The following BIRC6 variants were observed in gnomAD, a reference collection of about 807,000 sequenced individuals.
BIRC6 encodes dual E2 ubiquitin-conjugating enzyme/E3 ubiquitin-protein ligase BIRC6.
In BIRC6, 98 loss-of-function variants were observed where a neutral mutation model predicts 503.3. That is an observed-to-expected ratio of 0.19 (90% CI 0.17 to 0.23). BIRC6 has a LOEUF of 0.23. Ranked by LOEUF, BIRC6 falls within the 10% of genes least tolerant of loss-of-function variation. The pLI, the probability that BIRC6 is intolerant of heterozygous loss-of-function variation, is 1.00. For missense variants in BIRC6, 5,360 were observed against 5,806.0 expected (o/e 0.92, Z 2.50); for synonymous variants, 2,240 against 2,078.7 (o/e 1.08, Z -2.11).
At chr2:32,433,056 T>C (rs2148040831) in intron 12 of BIRC6, among the ~76,000 whole-genome samples, 1 of 152,300 alleles carries the variant, frequency 6.6e-6, no homozygotes. Context: ...TGCTGATGTA[T>C]TGAACATATT....
intron 11 of BIRC6, 143 bp from the exon 12 acceptor site, chr2:32,430,722 C>G (rs2043997906): frequency 1.6e-6 from 1 of 624,908 alleles, no homozygotes; most frequent in East Asian, 2.7e-5. Flanking sequence ...GATACCTGAG[C>G]CCACTTTATT....
At chr2:32,474,415 G>T (rs1285790595) in intron 33 of BIRC6, among the ~76,000 whole-genome samples, 1 of 152,126 alleles carries the variant, frequency 6.6e-6, no homozygotes, top group Non-Finnish European at 1.5e-5. Context: ...AACCTAGTGT[G>T]TCTCTGAGTG....
chr2:32,366,198 A>T (rs181966561), intron 1 of BIRC6, among the ~76,000 whole-genome samples: 4 of 152,204 alleles, frequency 2.6e-5, no homozygotes, highest in African/African-American at 9.6e-5. Flanking sequence ...GACCTCTTTT[A>T]CCTATGTATG....
intron 1 of BIRC6, among the ~76,000 whole-genome samples, chr2:32,373,805 A>G (rs1395738569): frequency 1.3e-5 from 2 of 152,192 alleles, no homozygotes; most frequent in East Asian, 3.8e-4. Context: ...TCATAGCAGC[A>G]CTCTTCGAAA....
intron 66 of BIRC6, among the ~76,000 whole-genome samples, chr2:32,591,160 T>C (rs960657658): frequency 6.6e-6 from 1 of 152,176 alleles, no homozygotes; most frequent in Non-Finnish European, 1.5e-5. Flanking sequence ...GATTTTCTTT[T>C]TTTCGGTGTG....
intron 60 of BIRC6, among the ~76,000 whole-genome samples, chr2:32,530,229 G>C (rs1032104126): frequency 2.0e-5 from 3 of 151,140 alleles, no homozygotes; most frequent in Non-Finnish European, 4.4e-5. Context: ...AATTTTTTTT[G>C]AGACAGAGTC....
chr2:32,397,924 C>T (rs912711364), intron 6 of BIRC6, among the ~76,000 whole-genome samples: 3 of 152,078 alleles, frequency 2.0e-5, no homozygotes, highest in Non-Finnish European at 4.4e-5. Flanking sequence ...TCTACCTCTT[C>T]TTTGCACCAG....
At chr2:32,400,640 T>C (rs1248850854) in intron 6 of BIRC6, among the ~76,000 whole-genome samples, 3 of 152,106 alleles carry the variant, frequency 2.0e-5, no homozygotes, top group Non-Finnish European at 4.4e-5. Context: ...CCCGGCTGCC[T>C]TCAGATCTTT....
chr2:32,424,581 C>T (rs1199520683), intron 10 of BIRC6, among the ~76,000 whole-genome samples: 1 of 151,178 alleles, frequency 6.6e-6, no homozygotes, highest in African/African-American at 2.4e-5. Flanking sequence ...CTGACGCGAT[C>T]TCGGCTCACT....
At chr2:32,502,399 G>C (rs1475262827) in intron 47 of BIRC6, among the ~76,000 whole-genome samples, 3 of 152,002 alleles carry the variant, frequency 2.0e-5, no homozygotes, top group Non-Finnish European at 2.9e-5. Context: ...TTCCCATTTT[G>C]AAATGCAGAT....
chr2:32,617,195 A>G (rs986002755), intron 73 of BIRC6, among the ~76,000 whole-genome samples: 2 of 152,108 alleles, frequency 1.3e-5, no homozygotes, highest in Non-Finnish European at 2.9e-5. Context: ...CAGTCAAGAG[A>G]TCAAGACCAG....
At chr2:32,534,785 G>T (rs1253699545) in intron 61 of BIRC6, among the ~76,000 whole-genome samples, 1 of 145,936 alleles carries the variant, frequency 6.9e-6, no homozygotes, top group Non-Finnish European at 1.5e-5. Flanking sequence ...CATAGAAAGT[G>T]TAAGGAATGA....
chr2:32,536,490 G>A (rs1004632171), intron 61 of BIRC6, among the ~76,000 whole-genome samples: 3 of 152,188 alleles, frequency 2.0e-5, no homozygotes, highest in African/African-American at 7.2e-5. Context: ...TGTATAAGGT[G>A]TAAAGAAGGC....
At chr2:32,437,409 G>A (rs981127917) in intron 15 of BIRC6, among the ~76,000 whole-genome samples, 2 of 152,132 alleles carry the variant, frequency 1.3e-5, no homozygotes, top group African/African-American at 2.4e-5. Context: ...AATTTGGGGT[G>A]GGGTGGGATG....
At chr2:32,596,626 G>T (rs545730029) in intron 68 of BIRC6, among the ~76,000 whole-genome samples, 1 of 152,280 alleles carries the variant, frequency 6.6e-6, no homozygotes, top group South Asian at 2.1e-4. Flanking sequence ...GGGGAAGAGT[G>T]TCAGAAAAGA....
intron 62 of BIRC6, among the ~76,000 whole-genome samples, chr2:32,543,997 G>A (rs1219603311): frequency 6.6e-6 from 1 of 152,086 alleles, no homozygotes; most frequent in East Asian, 1.9e-4. Flanking sequence ...TTTTTAGTGG[G>A]GCCTTGAAGG....
intron 66 of BIRC6, among the ~76,000 whole-genome samples, chr2:32,588,410 C>G (rs758717043): frequency 1.3e-4 from 20 of 152,182 alleles, no homozygotes; most frequent in Non-Finnish European, 2.5e-4. Flanking sequence ...GATGGATGTA[C>G]TTTTCTACTG....
chr2:32,384,028 A>G (rs943080526), intron 3 of BIRC6, among the ~76,000 whole-genome samples: 2 of 152,208 alleles, frequency 1.3e-5, no homozygotes, highest in Non-Finnish European at 2.9e-5. Context: ...TTCAGTGGCA[A>G]GAGGACCTCA....
At chr2:32,529,574 G>T in intron 59 of BIRC6, 77 bp from the exon 60 acceptor site, 1 of 1,291,740 alleles carries the variant, frequency 7.7e-7, no homozygotes, top group Non-Finnish European at 1.0e-6. Context: ...CTGTAATTTA[G>T]TAAAAGCAGA....
Sources: allele counts gnomAD v4.1 joint callset (sites outside exome capture counted in the v4.1 genomes callset), GRCh38; gene constraint gnomAD v4.1.1; transcripts MANE v1.5; gene names NCBI Gene and HGNC (gene_info 2026-07-23, HGNC 2026-07-21).